GPATCH8: variants seen among roughly 807,000 people sequenced by gnomAD.
GPATCH8 encodes the protein G patch domain-containing protein 8.
GPATCH8 carries 18 observed loss-of-function variants against 118.3 expected under a neutral mutation model. That is an observed-to-expected ratio of 0.15 (90% confidence interval 0.11 to 0.23). The LOEUF (loss-of-function observed/expected upper bound fraction) is 0.23. Among genes scored for constraint, GPATCH8 ranks in the 10% least tolerant of loss-of-function variants. GPATCH8 has a pLI of 1.00. For synonymous variants in GPATCH8, 659 were observed against 684.7 expected (o/e 0.96, Z 0.59); for missense variants, 1,631 against 1,873.8 (o/e 0.87, Z 2.39).
At position 44,446,835 on chromosome 17, in the gene GPATCH8, T is replaced by C. The variant is rs183433772; in HGVS notation, c.194-10290A>G. On this transcript the variant is annotated intron_variant, in intron 3 of 7. Coordinates refer to ENST00000591680, the MANE Select transcript of GPATCH8 (RefSeq NM_001002909.4). ...TTTCCACTGCAACTCCTCCATTTCA[T>C]CTATTTTTTTTTCCTTAAAGACTGA... Among the ~76,000 whole-genome samples, 330 of 149,964 alleles carry C rather than the reference T, an allele frequency of 2.2e-3. 1 individual carries two copies. Among genetic ancestry groups the C allele is most frequent in the African/African-American group, 7.8e-3 (315 of 40,360 alleles).
intron 3 of GPATCH8, among the ~76,000 whole-genome samples, chr17:44,439,725 G>T (rs967993437): frequency 5.9e-5 from 9 of 151,656 alleles, no homozygotes; most frequent in Non-Finnish European, 1.0e-4. Flanking sequence ...TTGTAGTGAT[G>T]ACCTCAAAAG....
rs1437589665 is a variant in GPATCH8, at chr17:44,398,171, C to T, written c.3906G>A (p.Leu1302=). Residue 1302 remains leucine, a synonymous_variant, in exon 8 of 8, where the codon CTG becomes CTA. Coordinates refer to ENST00000591680, the MANE Select transcript of GPATCH8 (RefSeq NM_001002909.4). ...ESTDGAEDAS[L]APLESQPITF... is the part of the protein sequence containing the mutation. Reference sequence around the variant, plus strand: ...TGATGGGCTGGCTTTCCAGGGGGGCCAGTGAAGCATCCTCAGCCCCATCTG... The same window carrying T: ...TGATGGGCTGGCTTTCCAGGGGGGCTAGTGAAGCATCCTCAGCCCCATCTG... 6.2e-7 allele frequency: 1 copy of T among 1,613,532 alleles called. No individual in the cohort carries two copies. The highest frequency in any genetic ancestry group is 1.7e-5 in the Admixed American group (1 of 60,010).
intron 3 of GPATCH8, among the ~76,000 whole-genome samples, chr17:44,446,293 G>A (rs749744102): frequency 1.3e-5 from 2 of 152,010 alleles, no homozygotes; most frequent in African/African-American, 4.8e-5. Context: ...AAGGCCAGGC[G>A]CAGTGGCTCA....
At chr17:44,451,051 A>G (rs939233219) in intron 3 of GPATCH8, among the ~76,000 whole-genome samples, 3 of 152,000 alleles carry the variant, frequency 2.0e-5, no homozygotes, top group Non-Finnish European at 4.4e-5. Flanking sequence ...TTAGAAATAA[A>G]CCTCTGGAGG....
In GPATCH8 at chr17:44,398,457, G is replaced by C. The variant is rs1006809745; in HGVS notation, c.3620C>G (p.Pro1207Arg). 2 of 1,612,472 alleles carry C rather than the reference G, an allele frequency of 1.2e-6. No individual in the cohort carries two copies. The highest frequency in any genetic ancestry group is 1.7e-6 in the Non-Finnish European group (2 of 1,179,162). ...AGCTTCTCCAGACTTTGACTCTTCT[G>C]GGGGTGGGTCTAATAAGGGGCCAGT... ...ETTGPLLDPP[P>R]EESKSGEATA... The change falls in exon 8 of 8, where the codon CCA becomes CGA. Residue 1207 changes from proline to arginine, a missense_variant. Pro to Arg is a moderately radical substitution (Grantham distance 103, BLOSUM62 -2). This residue lies in a region of GPATCH8 where 922 missense variants were observed against 879.7 expected (regional missense o/e 1.05). Transcript: ENST00000591680.
In GPATCH8 at chr17:44,396,609, TAATTC is replaced by T. The variant is rs1207489940; in HGVS notation, c.*954_*958del. The T allele has an allele frequency of 4.1e-5, 18 of 441,434 alleles. No homozygotes were observed. The highest frequency in any genetic ancestry group is 7.6e-5 in the Non-Finnish European group (17 of 223,642). 27.3% of individuals were successfully genotyped at this position (441,434 alleles called of 1,614,324 possible). A position where few individuals can be genotyped will look rare whatever the true frequency, so the allele number is the denominator to read the frequency against. ...TCATTTTATAACCTTTAGAGTTTCT[TAATTC>T]AACTAGGGCAAACATATTTACACAA... On this transcript the variant is annotated 3_prime_UTR_variant, in exon 8 of 8. Transcript: ENST00000591680.
At chr17:44,448,543 A>AGAAGAG (rs1181303463) in intron 3 of GPATCH8, among the ~76,000 whole-genome samples, 2 of 33,726 alleles carry the variant, frequency 5.9e-5, no homozygotes, top group Admixed American at 4.0e-4. Flanking sequence ...AGAAGGAAGA[A>AGAAGAG]GAAGAGGAAG....
chr17:44,432,220 A>G (rs1261207858), intron 5 of GPATCH8, among the ~76,000 whole-genome samples: 1 of 152,196 alleles, frequency 6.6e-6, no homozygotes, highest in Non-Finnish European at 1.5e-5. Flanking sequence ...TGTATGTACA[A>G]ATTATCATTT....
intron 6 of GPATCH8, among the ~76,000 whole-genome samples, chr17:44,415,734 CAA>C (rs1418209080): frequency 2.6e-5 from 4 of 152,296 alleles, no homozygotes; most frequent in African/African-American, 9.6e-5. Context: ...TACAATAGAA[CAA>C]AGAGTCTAAT....
intron 2 of GPATCH8, among the ~76,000 whole-genome samples, chr17:44,466,271 G>C (rs2051760064): frequency 1.3e-5 from 2 of 152,118 alleles, no homozygotes; most frequent in Non-Finnish European, 1.5e-5. Flanking sequence ...GCCTCTCAAA[G>C]TACTGGGATT....
intron 4 of GPATCH8, among the ~76,000 whole-genome samples, chr17:44,435,977 C>T (rs1251520612): frequency 1.5e-5 from 2 of 134,184 alleles, no homozygotes; most frequent in Non-Finnish European, 1.5e-5. Flanking sequence ...TGCAGTGAGC[C>T]GAGACTGCGC....
chr17:44,462,215 T>C (rs1196718655), intron 3 of GPATCH8, among the ~76,000 whole-genome samples: 1 of 152,192 alleles, frequency 6.6e-6, no homozygotes, highest in Non-Finnish European at 1.5e-5. Flanking sequence ...CCCCACCTTG[T>C]GTGCCTGAAC....
chr17:44,501,128 C>T (rs942423986), intron 1 of GPATCH8, among the ~76,000 whole-genome samples: 2 of 151,944 alleles, frequency 1.3e-5, no homozygotes, highest in Admixed American at 1.3e-4. Flanking sequence ...TTTTAAAAAC[C>T]AACATTTTCG....
intron 3 of GPATCH8, among the ~76,000 whole-genome samples, chr17:44,441,031 A>T (rs1161433230): frequency 6.6e-6 from 1 of 152,066 alleles, no homozygotes; most frequent in Non-Finnish European, 1.5e-5. Flanking sequence ...TTGTATTTTT[A>T]GTAGAGACAG....
At chr17:44,403,413 C>T (rs1301033634) in intron 7 of GPATCH8, among the ~76,000 whole-genome samples, 1 of 151,908 alleles carries the variant, frequency 6.6e-6, no homozygotes, top group Admixed American at 6.6e-5. Flanking sequence ...GAGACAGAGT[C>T]TTGCTATGTT....
intron 3 of GPATCH8, among the ~76,000 whole-genome samples, chr17:44,461,352 A>ATT (rs112382903): frequency 6.9e-6 from 1 of 145,350 alleles, no homozygotes; most frequent in African/African-American, 2.5e-5. Context: ...CAGCCAATTA[A>ATT]TTTTTTTTTT....
In GPATCH8 at chr17:44,398,458, G is replaced by A. The variant is rs780037640; in HGVS notation, c.3619C>T (p.Pro1207Ser). ...ETTGPLLDPPPEESKSGEATA... is the reference protein window; with the variant it reads ...ETTGPLLDPPSEESKSGEATA... ...GCTTCTCCAGACTTTGACTCTTCTG[G>A]GGGTGGGTCTAATAAGGGGCCAGTT... Residue 1207 changes from proline to serine, a missense_variant, in exon 8 of 8, where the codon CCA becomes TCA. By Grantham distance (74) the Pro-to-Ser change is moderately conservative. This residue lies in a region of GPATCH8 where 922 missense variants were observed against 879.7 expected (regional missense o/e 1.05). Coordinates refer to ENST00000591680, the MANE Select transcript of GPATCH8 (RefSeq NM_001002909.4). The A allele has an allele frequency of 1.2e-6, 2 of 1,612,620 alleles. No homozygotes were observed. The highest frequency in any genetic ancestry group is 1.1e-5 in the South Asian group (1 of 90,906).
chr17:44,434,009 C>G (rs1037970561), intron 5 of GPATCH8, among the ~76,000 whole-genome samples: 5 of 151,820 alleles, frequency 3.3e-5, no homozygotes, highest in Admixed American at 2.6e-4. Flanking sequence ...GCCGTGGTGG[C>G]TCATACCTGT....
intron 1 of GPATCH8, among the ~76,000 whole-genome samples, chr17:44,491,182 A>G (rs756198532): frequency 6.6e-6 from 1 of 152,198 alleles, no homozygotes; most frequent in Non-Finnish European, 1.5e-5. Flanking sequence ...CCCTCTTCCT[A>G]TAACTATTAA....
Sources: allele counts gnomAD v4.1 joint callset (sites outside exome capture counted in the v4.1 genomes callset), GRCh38; gene constraint gnomAD v4.1.1; regional missense constraint gnomAD v4.1.1; transcripts MANE v1.5; gene names NCBI Gene and HGNC (gene_info 2026-07-23, HGNC 2026-07-21).